THSD7B: variants seen among roughly 807,000 people sequenced by gnomAD.
The protein encoded by THSD7B is thrombospondin type 1 domain containing 7B.
A neutral mutation model predicts 213.6 loss-of-function variants in THSD7B; 138 were observed. The observed-to-expected ratio is 0.65, with a 90% CI of 0.56 to 0.74. The LOEUF (loss-of-function observed/expected upper bound fraction) is 0.74. Ranked by LOEUF, THSD7B falls within the 30% of genes least tolerant of loss-of-function variation. THSD7B has a pLI of 0.00. For synonymous variants in THSD7B, 742 were observed against 687.0 expected (o/e 1.08, Z -1.25); for missense variants, 1,931 against 1,991.5 (o/e 0.97, Z 0.58).
chr2:137,484,169 C>G (rs141203162), intron 15 of THSD7B, among the ~76,000 whole-genome samples: 6 of 128,096 alleles, frequency 4.7e-5, no homozygotes, highest in East Asian at 5.6e-4. Context: ...ATCCCTCCCC[C>G]CTCCCCCCAC....
At chr2:137,461,145 G>A (rs1033202657) in intron 15 of THSD7B, among the ~76,000 whole-genome samples, 3 of 151,528 alleles carry the variant, frequency 2.0e-5, no homozygotes, top group African/African-American at 4.9e-5. Context: ...TTCCAGTCTG[G>A]GGCTATTACA....
Position 137,531,858 on chromosome 2 carries a change from A to C in THSD7B, c.3139-31363A>C, listed in dbSNP as rs183882285. ...GTAGGTAAAGTGTCTTCCTGGAGTGACATGGAAAATTTGGGTGAGTTGTGG... is the reference window on the plus strand; with the variant it reads ...GTAGGTAAAGTGTCTTCCTGGAGTGCCATGGAAAATTTGGGTGAGTTGTGG... On this transcript the variant is annotated intron_variant, in intron 15 of 27. Transcript: ENST00000409968. 3.6e-3 allele frequency among the ~76,000 whole-genome samples: 548 copies of C among 152,114 alleles called. 5 individuals are homozygous for C. The highest frequency in any genetic ancestry group is 0.013 in the African/African-American group (520 of 41,546).
At chr2:137,178,186 A>ATTTTT (rs34568563) in intron 7 of THSD7B, among the ~76,000 whole-genome samples, 21 of 144,792 alleles carry the variant, frequency 1.5e-4, no homozygotes, top group Admixed American at 2.8e-4. Context: ...CAGTGAGTAA[A>ATTTTT]TTTTTTTTTT....
intron 2 of THSD7B, among the ~76,000 whole-genome samples, chr2:137,025,085 A>T (rs1019187613): frequency 6.6e-6 from 1 of 150,940 alleles, no homozygotes; most frequent in Non-Finnish European, 1.5e-5. Flanking sequence ...CTGCTCAGAA[A>T]CTCTTCTGCT....
intron 15 of THSD7B, among the ~76,000 whole-genome samples, chr2:137,531,470 C>T (rs1403807390): frequency 6.6e-6 from 1 of 151,852 alleles, no homozygotes; most frequent in African/African-American, 2.4e-5. Context: ...TGAAACCCAG[C>T]AGCACTCTCA....
chr2:137,535,757 A>G (rs1229624219), intron 15 of THSD7B, among the ~76,000 whole-genome samples: 1 of 151,626 alleles, frequency 6.6e-6, no homozygotes, highest in African/African-American at 2.4e-5. Flanking sequence ...ATAGGTTATG[A>G]TGGTTTGGAG....
intron 12 of THSD7B, among the ~76,000 whole-genome samples, chr2:137,302,128 G>T (rs1435082316): frequency 1.3e-5 from 2 of 152,004 alleles, no homozygotes; most frequent in Non-Finnish European, 2.9e-5. Context: ...TGAGGGAAAG[G>T]TTATTCTGGT....
chr2:137,518,344 G>A (rs1443103418), intron 15 of THSD7B, among the ~76,000 whole-genome samples: 1 of 152,214 alleles, frequency 6.6e-6, no homozygotes, highest in Non-Finnish European at 1.5e-5. Flanking sequence ...GTGAAGGGAA[G>A]TCTTCCCAGT....
intron 18 of THSD7B, 56 bp from the exon 19 acceptor site, chr2:137,618,336 T>A (rs2104840275): frequency 7.2e-7 from 1 of 1,389,102 alleles, no homozygotes; most frequent in South Asian, 1.2e-5. Flanking sequence ...GTCTGTTGTA[T>A]TTTGCTCACA....
At position 137,266,595 on chromosome 2, in the gene THSD7B, T is replaced by C. The variant is rs140018097; in HGVS notation, c.2267-5938T>C. On this transcript the variant is annotated intron_variant, in intron 10 of 27. Coordinates refer to ENST00000409968, the MANE Select transcript of THSD7B (RefSeq NM_001316349.2). ...AGCATAATAGACCACTGATGTTTAA[T>C]GGGTAATAGGAATATTTGAGAAACA... 1.8e-3 allele frequency among the ~76,000 whole-genome samples: 276 copies of C among 152,332 alleles called. 2 individuals are homozygous for C. Among genetic ancestry groups the C allele is most frequent in the Non-Finnish European group, 3.0e-3 (203 of 68,034 alleles).
chr2:137,521,230 G>C (rs1680178158), intron 15 of THSD7B, among the ~76,000 whole-genome samples: 1 of 152,068 alleles, frequency 6.6e-6, no homozygotes, highest in Admixed American at 6.6e-5. Context: ...TTACTTAATA[G>C]GTATGTTATC....
At position 137,187,009 on chromosome 2, in the gene THSD7B, T is replaced by A. The variant is rs189568191; in HGVS notation, c.1723+16071T>A. ...CCACTTACAATAGCCACAAAAAGAG[T>A]AAAATATCTAGTGCCTTTAAAAAAT... On this transcript the variant is annotated intron_variant, in intron 7 of 27. Coordinates refer to ENST00000409968, the MANE Select transcript of THSD7B (RefSeq NM_001316349.2). Among the ~76,000 whole-genome samples, 195 of 148,438 alleles carry A rather than the reference T, an allele frequency of 1.3e-3. 1 individual carries two copies. The highest frequency in any genetic ancestry group is 4.3e-3 in the Admixed American group (64 of 15,056).
intron 17 of THSD7B, among the ~76,000 whole-genome samples, chr2:137,585,874 G>A (rs1476818533): frequency 6.6e-6 from 1 of 152,182 alleles, no homozygotes. Context: ...GCAGAGCTGA[G>A]TTCAATTCCT....
At chr2:137,347,375 A>G (rs748952786) in intron 12 of THSD7B, among the ~76,000 whole-genome samples, 4 of 151,632 alleles carry the variant, frequency 2.6e-5, no homozygotes, top group Non-Finnish European at 4.4e-5. Flanking sequence ...TGTTCCATTG[A>G]TTAATAAGTC....
intron 12 of THSD7B, among the ~76,000 whole-genome samples, chr2:137,309,112 A>G (rs1182202285): frequency 6.6e-6 from 1 of 152,164 alleles, no homozygotes; most frequent in Non-Finnish European, 1.5e-5. Context: ...TTTTTCAACA[A>G]TAGCATAGGA....
intron 15 of THSD7B, among the ~76,000 whole-genome samples, chr2:137,516,714 G>A (rs1680076325): frequency 1.1e-5 from 1 of 89,840 alleles, no homozygotes; most frequent in South Asian, 4.4e-4. Flanking sequence ...AATTGCCATT[G>A]ACATTTAGCA....
chr2:136,853,663 T>C (rs778204), intron 1 of THSD7B, among the ~76,000 whole-genome samples: 146,770 of 152,282 alleles, frequency 0.96, 70,997 homozygotes, highest in East Asian at 1. Context: ...CAAACCTTCA[T>C]TTATCAGACT....
intron 1 of THSD7B, among the ~76,000 whole-genome samples, chr2:136,870,728 T>A (rs138839994): frequency 7.5e-4 from 114 of 152,244 alleles, no homozygotes; most frequent in Middle Eastern, 6.8e-3. Flanking sequence ...GGCCAGTGTG[T>A]CTGGGGCACA....
In THSD7B at chr2:137,539,347, A is replaced by T. The variant is rs561772665; in HGVS notation, c.3139-23874A>T. ...AAAATCAAATGGCTAGGTGGTTTGG[A>T]TCTCATACACTGGGAAGGGGGTAAG... On this transcript the variant is annotated intron_variant, in intron 15 of 27. Coordinates refer to ENST00000409968, the MANE Select transcript of THSD7B (RefSeq NM_001316349.2). 3.3e-5 allele frequency among the ~76,000 whole-genome samples: 5 copies of T among 151,664 alleles called. No homozygotes were observed. In the South Asian group the frequency reaches 8.3e-4, roughly 25 times the overall value.
Sources: allele counts gnomAD v4.1 joint callset (sites outside exome capture counted in the v4.1 genomes callset), GRCh38; gene constraint gnomAD v4.1.1; transcripts MANE v1.5; gene names NCBI Gene and HGNC (gene_info 2026-07-23, HGNC 2026-07-21).